Variants in UBE2O observed in about 807,000 individuals in gnomAD.
UBE2O encodes the protein (E3-independent) E2 ubiquitin-conjugating enzyme.
A neutral mutation model predicts 125.8 loss-of-function variants in UBE2O; 15 were observed. The observed-to-expected ratio is 0.12, with a 90% CI of 0.08 to 0.18. UBE2O has a LOEUF of 0.18. Among genes scored for constraint, UBE2O ranks in the 10% least tolerant of loss-of-function variants. The pLI, the probability that UBE2O is intolerant of heterozygous loss-of-function variation, is 1.00. For synonymous variants in UBE2O, 708 were observed against 703.2 expected (o/e 1.01, Z -0.11); for missense variants, 1,280 against 1,723.6 (o/e 0.74, Z 4.56).
chr17:76,438,378 A>C (rs1271275230), intron 1 of UBE2O, among the ~76,000 whole-genome samples: 1 of 151,830 alleles, frequency 6.6e-6, no homozygotes, highest in African/African-American at 2.4e-5. Context: ...GAAAAACTTA[A>C]AGGCTCCTCG....
intron 1 of UBE2O, among the ~76,000 whole-genome samples, chr17:76,441,679 T>G (rs1016810149): frequency 6.6e-6 from 1 of 152,188 alleles, no homozygotes; most frequent in Admixed American, 6.5e-5. Flanking sequence ...CCAATGGAAT[T>G]AGGACAATTT....
At chr17:76,392,296 A>T (rs950796924) in intron 15 of UBE2O, among the ~76,000 whole-genome samples, 183 bp from the exon 16 acceptor site, 5 of 152,064 alleles carry the variant, frequency 3.3e-5, no homozygotes, top group African/African-American at 1.2e-4. Flanking sequence ...CTCTCTCTGC[A>T]GAACAGCCTG....
At chr17:76,407,459 T>C (rs1055964358) in intron 1 of UBE2O, among the ~76,000 whole-genome samples, 12 of 152,110 alleles carry the variant, frequency 7.9e-5, no homozygotes, top group African/African-American at 2.9e-4. Flanking sequence ...AAAGCCACAA[T>C]TGCTCCCAGA....
intron 1 of UBE2O, among the ~76,000 whole-genome samples, chr17:76,439,453 C>T (rs537153762): frequency 6.6e-5 from 10 of 152,204 alleles, no homozygotes; most frequent in African/African-American, 2.2e-4. Context: ...GCCTTTTTTC[C>T]TCTCATCCTC....
At position 76,392,132 on chromosome 17, in the gene UBE2O, AG is replaced by A; in HGVS notation, c.2947-20del. On this transcript the variant is annotated intron_variant, in intron 15 of 17. Coordinates refer to ENST00000319380, the MANE Select transcript of UBE2O (RefSeq NM_022066.4). ...AGAGGTCCTAGGTAGGGAGGGAGGGAGGGAGGCCAAGGTTGGCAGGGGTGGA... is the reference window on the plus strand; with the variant it reads ...AGAGGTCCTAGGTAGGGAGGGAGGGAGGAGGCCAAGGTTGGCAGGGGTGGA... 4.9e-6 allele frequency: 2 copies of A among 410,082 alleles called. No individual in the cohort carries two copies. The highest frequency in any genetic ancestry group is 3.8e-5 in the Admixed American group (1 of 26,410). The allele number at this position is 410,082 out of a possible 1,614,324, so 25.4% of individuals were successfully genotyped here.
intron 3 of UBE2O, among the ~76,000 whole-genome samples, chr17:76,403,015 A>C (rs926198948): frequency 4.6e-5 from 7 of 152,122 alleles, no homozygotes; most frequent in Admixed American, 2.0e-4. Context: ...TGGACACAGG[A>C]CACCTGGCAA....
chr17:76,430,956 G>T, intron 1 of UBE2O: 1 of 328,390 alleles, frequency 3.0e-6, no homozygotes, highest in Non-Finnish European at 5.9e-6. Flanking sequence ...GATTCCTTGT[G>T]GTAGTGCTTC....
intron 1 of UBE2O, among the ~76,000 whole-genome samples, chr17:76,426,071 T>C (rs898647415): frequency 3.9e-5 from 6 of 152,208 alleles, no homozygotes; most frequent in African/African-American, 1.4e-4. Context: ...GGTGTGATCA[T>C]GGTTCACTGC....
At chr17:76,394,668 A>T (rs1400242144) in intron 15 of UBE2O, among the ~76,000 whole-genome samples, 1 of 152,190 alleles carries the variant, frequency 6.6e-6, no homozygotes, top group Non-Finnish European at 1.5e-5. Flanking sequence ...AAGTATAAAA[A>T]AAAGGTCATC....
In UBE2O at chr17:76,410,459, G is replaced by A. The variant is rs182349383; in HGVS notation, c.418-4887C>T. ...AGGACATCCCTCAACGAAGAATGGC[G>A]TGGCCAACGCACCCGCAGTGCCACA... On this transcript the variant is annotated intron_variant, in intron 1 of 17. Transcript: ENST00000319380. This position sits in a 1 kb window ranked among gnomAD's most constrained non-coding sequence, Gnocchi z 4.0. Among the ~76,000 whole-genome samples the A allele has an allele frequency of 1.1e-4, 17 of 152,234 alleles. No individual in the cohort carries two copies. The highest frequency in any genetic ancestry group is 3.6e-4 in the African/African-American group (15 of 41,536).
chr17:76,392,027 G>T lies in UBE2O; in HGVS notation c.3033C>A (p.Ile1011=). 1 of 1,544,086 alleles carries T rather than the reference G, an allele frequency of 6.5e-7. No individual in the cohort carries two copies. The highest frequency in any genetic ancestry group is 8.8e-7 in the Non-Finnish European group (1 of 1,141,840). The change falls in exon 16 of 18, where the codon ATC becomes ATA. Residue 1011 remains isoleucine (I), a synonymous_variant. Transcript: ENST00000319380. ...LYLFDIQLPN[I]YPAVPPHFCY... ...AGAAGTGGGGGGGCACGGCTGGGTA[G>T]ATGTTGGGGAGCTGGATGTCAAACA...
intron 1 of UBE2O, among the ~76,000 whole-genome samples, chr17:76,419,718 C>T (rs1180327940): frequency 2.0e-5 from 3 of 152,224 alleles, no homozygotes; most frequent in African/African-American, 4.8e-5. Context: ...CCCGCCAGCA[C>T]GCATCCTTGG....
At chr17:76,439,121 C>T (rs954013933) in intron 1 of UBE2O, among the ~76,000 whole-genome samples, 3 of 152,234 alleles carry the variant, frequency 2.0e-5, no homozygotes, top group African/African-American at 7.2e-5. Context: ...GGGCAGCTGA[C>T]GGCGTGGTTT....
In UBE2O at chr17:76,398,312, A is replaced by G. The variant is rs1439233955; in HGVS notation, c.1968T>C (p.Thr656=). Residue 656 remains threonine, a synonymous_variant, in exon 12 of 18, where the codon ACT becomes ACC. Transcript: ENST00000319380. This position sits in a 1 kb window ranked among gnomAD's most constrained non-coding sequence, Gnocchi z 5.4. ...ADHPDFRFRT[T]DIVIRIGNTE... is the part of the protein sequence containing the mutation. ...TATTGCCGATGCGGATGACGATGTC[A>G]GTTGTACGGAACCTAAAGTCAGGGT... 2 of 1,614,076 alleles carry G rather than the reference A, an allele frequency of 1.2e-6. No homozygotes were observed. Among genetic ancestry groups the G allele is most frequent in the Non-Finnish European group, 1.7e-6 (2 of 1,180,040 alleles).
In UBE2O at chr17:76,414,007, T is replaced by C. The variant is rs184634527; in HGVS notation, c.418-8435A>G. ...GGTCAGTAATTCCGGCTGGTGCCAG[T>C]GTAAGGACTTTCTCAGAGCAGTTGA... On this transcript the variant is annotated intron_variant, in intron 1 of 17. Transcript: ENST00000319380. Among the ~76,000 whole-genome samples, 3 of 152,264 alleles carry C rather than the reference T, an allele frequency of 2.0e-5. No homozygotes were observed. In the East Asian group the frequency reaches 5.8e-4, roughly 29 times the overall value.
intron 1 of UBE2O, among the ~76,000 whole-genome samples, chr17:76,424,197 C>T (rs192690351): frequency 0.025 from 3,574 of 143,902 alleles, 73 homozygotes; most frequent in African/African-American, 0.054. Context: ...CGTGAGCCAC[C>T]GCGCCCGGCC....
intron 1 of UBE2O, among the ~76,000 whole-genome samples, chr17:76,435,431 CACACACACACACACACACACACACAA>C (rs1370625192): frequency 6.6e-6 from 1 of 151,252 alleles, no homozygotes; most frequent in African/African-American, 2.4e-5. Flanking sequence ...CACACACACA[CACACACACACACACACACACACACAA>C]AGATTAAGAT....
At chr17:76,431,324 C>T (rs1408731524) in intron 1 of UBE2O, among the ~76,000 whole-genome samples, 2 of 151,420 alleles carry the variant, frequency 1.3e-5, no homozygotes, top group Non-Finnish European at 2.9e-5. Context: ...GCAGCCTGGC[C>T]AACATGGTGA....
At position 76,391,181 on chromosome 17, in the gene UBE2O, TC is replaced by T; in HGVS notation, c.3640del (p.Asp1214ThrfsTer19). On this transcript the variant is annotated frameshift_variant, in exon 18 of 18. Transcript: ENST00000319380. LOFTEE classifies it high-confidence loss of function. This position sits in a 1 kb window ranked among gnomAD's most constrained non-coding sequence, Gnocchi z 8.4. Reference sequence around the variant, plus strand: ...GGTCTCCGAAGTCTGGTCTGTGTGGTCCCTGCTAGCTGAGGCCAGGCCCTGG... The same window carrying T: ...GGTCTCCGAAGTCTGGTCTGTGTGGTCCTGCTAGCTGAGGCCAGGCCCTGG... ...GAQGLASASR[D>X]HTDQTSETAP... The T allele has an allele frequency of 6.2e-7, 1 of 1,613,340 alleles. No homozygotes were observed. The highest frequency in any genetic ancestry group is 8.5e-7 in the Non-Finnish European group (1 of 1,179,540).
Sources: allele counts gnomAD v4.1 joint callset (sites outside exome capture counted in the v4.1 genomes callset), GRCh38; gene constraint gnomAD v4.1.1; non-coding constraint Gnocchi (gnomAD v3.1); transcripts MANE v1.5; gene names NCBI Gene and HGNC (gene_info 2026-07-23, HGNC 2026-07-21).